Variants in SELENOI observed in about 807,000 individuals in gnomAD.
The protein encoded by SELENOI is ethanolaminephosphotransferase 1.
A neutral mutation model predicts 50.7 loss-of-function variants in SELENOI; 24 were observed. The observed-to-expected ratio is 0.47, with a 90% confidence interval of 0.34 to 0.67. SELENOI has a LOEUF of 0.67. Among genes scored for constraint, SELENOI ranks in the 30% least tolerant of loss-of-function variants. The pLI is 0.01. For missense variants in SELENOI, 352 were observed against 461.4 expected (o/e 0.76, Z 2.17); for synonymous variants, 155 against 170.2 (o/e 0.91, Z 0.70).
intron 4 of SELENOI, among the ~76,000 whole-genome samples, chr2:26,370,897 C>A (rs1349141683): frequency 7.6e-6 from 1 of 131,416 alleles, no homozygotes; most frequent in Non-Finnish European, 1.6e-5. Flanking sequence ...CCCCACCTCC[C>A]TCCCGGACGG....
At chr2:26,371,538 G>C (rs1179057061) in intron 4 of SELENOI, among the ~76,000 whole-genome samples, 2 of 152,192 alleles carry the variant, frequency 1.3e-5, no homozygotes, top group Non-Finnish European at 2.9e-5. Context: ...GTAGCGAGCC[G>C]AGATCACGCC....
chr2:26,379,335 A>G (rs952105300), intron 6 of SELENOI, among the ~76,000 whole-genome samples: 2 of 152,306 alleles, frequency 1.3e-5, no homozygotes, highest in African/African-American at 4.8e-5. Context: ...AAGTTTATGT[A>G]TTGAAGAAAG....
At chr2:26,360,922 G>A (rs1677162209) in intron 1 of SELENOI, among the ~76,000 whole-genome samples, 1 of 152,134 alleles carries the variant, frequency 6.6e-6, no homozygotes, top group African/African-American at 2.4e-5. Context: ...TTTGTAAACT[G>A]TAGACCATCC....
rs182725696 is a variant in SELENOI, at chr2:26,392,537, C to G, written c.*3434C>G. 2.6e-5 allele frequency: 4 copies of G among 152,330 alleles called. No homozygotes were observed. In the South Asian group the frequency reaches 6.2e-4, roughly 24 times the overall value. 9.4% of individuals were successfully genotyped at this position (152,330 alleles called of 1,614,324 possible). On this transcript the variant is annotated 3_prime_UTR_variant, in exon 10 of 10. Transcript: ENST00000260585. ...CCTGGGTTTCCTCTTATCTACCCAC[C>G]ACCTAGGACAGAGGCTGCCCACTCA...
intron 6 of SELENOI, among the ~76,000 whole-genome samples, chr2:26,380,502 G>A (rs1677666102): frequency 6.6e-6 from 1 of 152,168 alleles, no homozygotes; most frequent in Admixed American, 6.6e-5. Context: ...TTGTGTGGAT[G>A]TACCGTAGTG....
intron 1 of SELENOI, among the ~76,000 whole-genome samples, chr2:26,359,294 A>T (rs1677127216): frequency 6.6e-6 from 1 of 152,168 alleles, no homozygotes; most frequent in Non-Finnish European, 1.5e-5. Context: ...GATGATGAAA[A>T]GATTTAGGTG....
chr2:26,351,746 C>A (rs534787822), intron 1 of SELENOI, among the ~76,000 whole-genome samples: 6 of 152,290 alleles, frequency 3.9e-5, no homozygotes, highest in African/African-American at 1.4e-4. Context: ...CTGTGTGGTT[C>A]AAGGACTGTT....
chr2:26,387,695 CAAAAAA>C (rs60220320), intron 9 of SELENOI, among the ~76,000 whole-genome samples: 5 of 99,196 alleles, frequency 5.0e-5, no homozygotes, highest in Admixed American at 1.0e-4. Flanking sequence ...GACCCTGTCT[CAAAAAA>C]AAAAAAAAAA....
chr2:26,347,045 G>GTGGT (rs1026715135), intron 1 of SELENOI: 1 of 152,184 alleles, frequency 6.6e-6, no homozygotes, highest in African/African-American at 2.4e-5. Flanking sequence ...ATAAATGCGG[G>GTGGT]TGGTTAACTT....
At chr2:26,379,602 G>GTATA (rs139004488) in intron 6 of SELENOI, among the ~76,000 whole-genome samples, 10 of 149,098 alleles carry the variant, frequency 6.7e-5, no homozygotes, top group African/African-American at 2.0e-4. Flanking sequence ...TCTGCTGCAA[G>GTATA]TATATATATA....
chr2:26,350,654 A>G (rs11902796), intron 1 of SELENOI, among the ~76,000 whole-genome samples: 3,628 of 152,318 alleles, frequency 0.024, 120 homozygotes, highest in African/African-American at 0.082. Flanking sequence ...TGGCATGTGA[A>G]CATGTAAATG....
intron 6 of SELENOI, among the ~76,000 whole-genome samples, chr2:26,377,856 A>G (rs995662465): frequency 2.0e-5 from 3 of 151,766 alleles, no homozygotes; most frequent in African/African-American, 7.3e-5. Flanking sequence ...ATTTCTTTGC[A>G]TACCTAGCAA....
chr2:26,365,027 A>T, intron 3 of SELENOI, 87 bp downstream of exon 3: 1 of 983,632 alleles, frequency 1.0e-6, no homozygotes, highest in Non-Finnish European at 1.4e-6. Context: ...TAAAATGTTC[A>T]TATTTCTAAA....
intron 4 of SELENOI, among the ~76,000 whole-genome samples, chr2:26,371,179 A>G (rs2147954303): frequency 6.7e-6 from 1 of 148,600 alleles, no homozygotes; most frequent in South Asian, 2.2e-4. Flanking sequence ...TCCCTCCCGG[A>G]CGGGGTGGCT....
chr2:26,361,788 G>T (rs1325439520), intron 1 of SELENOI, among the ~76,000 whole-genome samples: 1 of 152,010 alleles, frequency 6.6e-6, no homozygotes, highest in Admixed American at 6.6e-5. Context: ...CAAGTACCTG[G>T]GATTACAGGC....
chr2:26,373,327 G>A (rs1677498684), intron 4 of SELENOI, 40 bp from the exon 5 acceptor site: 2 of 1,577,432 alleles, frequency 1.3e-6, no homozygotes, highest in African/African-American at 1.3e-5. Context: ...CCATCCTGGT[G>A]CATACGTTGA....
At chr2:26,366,760 G>T (rs1677294278) in intron 3 of SELENOI, among the ~76,000 whole-genome samples, 1 of 152,154 alleles carries the variant, frequency 6.6e-6, no homozygotes, top group Admixed American at 6.5e-5. Flanking sequence ...GTATAGGAAA[G>T]GATAAGGTGA....
At chr2:26,352,308 G>A (rs749555246) in intron 1 of SELENOI, among the ~76,000 whole-genome samples, 6 of 152,052 alleles carry the variant, frequency 3.9e-5, no homozygotes, top group Non-Finnish European at 7.4e-5. Flanking sequence ...AGGTGCTCTG[G>A]AGGCCTTTTA....
At chr2:26,350,952 C>T (rs1381440562) in intron 1 of SELENOI, among the ~76,000 whole-genome samples, 6 of 152,158 alleles carry the variant, frequency 3.9e-5, no homozygotes, top group Admixed American at 1.3e-4. Flanking sequence ...ATAGCTTAGC[C>T]TAGCCTACCT....
Sources: gnomAD v4.1 joint callset for allele counts (sites outside exome capture counted in the v4.1 genomes callset) on GRCh38, gnomAD v4.1.1 for gene constraint, MANE v1.5 for transcripts, NCBI Gene and HGNC (gene_info 2026-07-23, HGNC 2026-07-21) for gene names.